LAYN: variants seen among roughly 807,000 people sequenced by gnomAD.
The protein encoded by LAYN is layilin.
Under a neutral mutation model 43.6 loss-of-function variants are expected in LAYN, and 38 were observed. The observed-to-expected ratio is 0.87, with a 90% CI of 0.67 to 1.14. LAYN has a LOEUF of 1.14. Ranked by LOEUF, LAYN falls within the 50% of genes most tolerant of loss-of-function variation. The probability of loss-of-function intolerance (pLI) is 0.00; values close to 1 mark genes in which losing one functional copy is unlikely to be tolerated. For synonymous variants in LAYN, 168 were observed against 172.9 expected (o/e 0.97, Z 0.22); for missense variants, 479 against 463.8 (o/e 1.03, Z -0.30).
At chr11:111,543,654 A>G (rs1867588600) in intron 1 of LAYN, among the ~76,000 whole-genome samples, 1 of 152,250 alleles carries the variant, frequency 6.6e-6, no homozygotes. Flanking sequence ...AGGACAGTCA[A>G]AATAAAACAT....
chr11:111,548,154 A>G (rs1867679133), intron 2 of LAYN, among the ~76,000 whole-genome samples: 1 of 152,194 alleles, frequency 6.6e-6, no homozygotes, highest in Non-Finnish European at 1.5e-5. Context: ...AAGTCTGAGT[A>G]TTAATGTCAA....
intron 2 of LAYN, 121 bp downstream of exon 2, chr11:111,544,341 A>G: frequency 1.0e-6 from 1 of 971,770 alleles, no homozygotes; most frequent in Non-Finnish European, 1.5e-6. Flanking sequence ...CTCTGAAGGG[A>G]AAGTAGCACC....
intron 5 of LAYN, among the ~76,000 whole-genome samples, chr11:111,556,054 G>A (rs1223908952): frequency 6.6e-6 from 1 of 152,252 alleles, no homozygotes; most frequent in African/African-American, 2.4e-5. Flanking sequence ...GGGGTCCCCA[G>A]GCCACCTGCA....
At position 111,560,746 on chromosome 11, in the gene LAYN, A is replaced by G. The variant is rs1011771094; in HGVS notation, c.*288A>G. On this transcript the variant is annotated 3_prime_UTR_variant, in exon 7 of 7. Coordinates refer to ENST00000375614, the MANE Select transcript of LAYN (RefSeq NM_178834.5). ...GTTGGTTGTATCTAACTTTTAAGGG[A>G]CAGAGCTTTACCTGGCAGTGATAAA... is the stretch of plus-strand genomic sequence containing the variant. 20 of 348,182 alleles carry G rather than the reference A, an allele frequency of 5.7e-5. No individual in the cohort carries two copies. Among genetic ancestry groups the G allele is most frequent in the Non-Finnish European group, 5.3e-6 (1 of 189,242 alleles). 21.6% of individuals were successfully genotyped at this position (348,182 alleles called of 1,614,324 possible). A position where few individuals can be genotyped will look rare whatever the true frequency, so the allele number is the denominator to read the frequency against.
At chr11:111,558,114 T>C (rs563063410) in intron 6 of LAYN, among the ~76,000 whole-genome samples, 1 of 152,368 alleles carries the variant, frequency 6.6e-6, no homozygotes, top group Non-Finnish European at 1.5e-5. Context: ...TTTCTTTTAA[T>C]TCAGTACACA....
chr11:111,541,009 G>C, intron 1 of LAYN, 81 bp downstream of exon 1: 1 of 1,320,156 alleles, frequency 7.6e-7, no homozygotes, highest in Admixed American at 2.1e-5. Context: ...CTTCTGGGTC[G>C]CCACGTATGG....
rs1867556710 is a variant in LAYN, at chr11:111,542,147, T to TTA, written c.85+1220_85+1221insAT. 2.0e-5 allele frequency among the ~76,000 whole-genome samples: 3 copies of TTA among 152,340 alleles called. No individual in the cohort carries two copies. The South Asian group carries it at 6.2e-4, about 32-fold the overall frequency. On this transcript the variant is annotated intron_variant, in intron 1 of 6. Coordinates refer to ENST00000375614, the MANE Select transcript of LAYN (RefSeq NM_178834.5). ...GGTTGGATAAGTTCCTGGGGGCTCA[T>TTA]TTGCCCCTCCTCTGCTGCCCAATTT...
chr11:111,548,879 C>T (rs113393718), intron 2 of LAYN, among the ~76,000 whole-genome samples: 3 of 152,184 alleles, frequency 2.0e-5, no homozygotes, highest in Admixed American at 2.0e-4. Context: ...AGGCTTTAAC[C>T]TGGCACCCAC....
Position 111,561,585 on chromosome 11 carries a change from A to G in LAYN, c.*1127A>G, listed in dbSNP as rs1867958857. The G allele has an allele frequency of 2.0e-5, 3 of 152,236 alleles. 1 individual carries two copies. The South Asian group carries it at 6.2e-4, about 31-fold the overall frequency. The allele number at this position is 152,236 out of a possible 1,614,324, so 9.4% of individuals were successfully genotyped here. ...TCAGAGAAAAGTTTCTCAGCCCAGCATCAATCATATACACATTGGAGGTCT... is the reference window on the plus strand; with the variant it reads ...TCAGAGAAAAGTTTCTCAGCCCAGCGTCAATCATATACACATTGGAGGTCT... On this transcript the variant is annotated 3_prime_UTR_variant, in exon 7 of 7. Transcript: ENST00000375614.
At chr11:111,554,370 G>A (rs1264480336) in intron 3 of LAYN, among the ~76,000 whole-genome samples, 191 bp from the exon 4 acceptor site, 1 of 152,166 alleles carries the variant, frequency 6.6e-6, no homozygotes, top group East Asian at 1.9e-4. Context: ...TAAAGCTGGG[G>A]AAGGTTAGTC....
chr11:111,551,544 C>T (rs987649086), intron 3 of LAYN: 14 of 406,006 alleles, frequency 3.4e-5, no homozygotes, highest in African/African-American at 6.2e-5. Context: ...CACAACCAGA[C>T]CCTTGCCGAC....
At chr11:111,557,032 C>T (rs1225740305) in intron 5 of LAYN, among the ~76,000 whole-genome samples, 3 of 152,146 alleles carry the variant, frequency 2.0e-5, no homozygotes, top group Non-Finnish European at 4.4e-5. Flanking sequence ...GACACTGAAA[C>T]TTCTGGCTTG....
chr11:111,558,605 T>A (rs1391169466), intron 6 of LAYN, among the ~76,000 whole-genome samples: 1 of 152,188 alleles, frequency 6.6e-6, no homozygotes, highest in East Asian at 1.9e-4. Flanking sequence ...GGTTCTTGAT[T>A]TCCTTTCCTG....
chr11:111,540,542 AC>A (rs1867509214), upstream of LAYN: 1 of 450,124 alleles, frequency 2.2e-6, no homozygotes, highest in African/African-American at 2.1e-5. Context: ...TCGGAGGGGG[AC>A]AGGGAGCTGG....
intron 3 of LAYN, among the ~76,000 whole-genome samples, chr11:111,554,238 G>C (rs1423834772): frequency 6.6e-6 from 1 of 152,158 alleles, no homozygotes; most frequent in Non-Finnish European, 1.5e-5. Context: ...ATTGATAGGA[G>C]TTGAAGCTGC....
At chr11:111,554,741 C>G (rs1867805031) in intron 4 of LAYN, 148 bp downstream of exon 4, 1 of 647,042 alleles carries the variant, frequency 1.5e-6, no homozygotes, top group Non-Finnish European at 2.7e-6. Flanking sequence ...ATACACCACA[C>G]CCAGCCATGA....
chr11:111,542,730 C>G (rs114563546), intron 1 of LAYN, among the ~76,000 whole-genome samples: 1 of 152,212 alleles, frequency 6.6e-6, no homozygotes, highest in Non-Finnish European at 1.5e-5. Context: ...GACTACTCCC[C>G]GTGTTGATAC....
At chr11:111,541,659 A>G in intron 1 of LAYN, 14 of 1,412,490 alleles carry the variant, frequency 9.9e-6, no homozygotes, top group Non-Finnish European at 1.3e-5. Context: ...CCCTTTTCTC[A>G]GATCCTTTTT....
At chr11:111,554,344 C>A (rs573432724) in intron 3 of LAYN, among the ~76,000 whole-genome samples, 41 of 151,212 alleles carry the variant, frequency 2.7e-4, no homozygotes, top group African/African-American at 1.0e-3. Flanking sequence ...TTTTTAAAAA[C>A]AAAAAAGCAC....
Sources: allele counts gnomAD v4.1 joint callset (sites outside exome capture counted in the v4.1 genomes callset), GRCh38; gene constraint gnomAD v4.1.1; transcripts MANE v1.5; gene names NCBI Gene and HGNC (gene_info 2026-07-23, HGNC 2026-07-21).